The following PFDN1 variants were observed in gnomAD, a reference collection of about 807,000 sequenced individuals.
The protein encoded by PFDN1 is prefoldin 1.
PFDN1 carries 6 observed loss-of-function variants against 17.3 expected under a neutral mutation model. The observed-to-expected ratio is 0.35, with a 90% CI of 0.19 to 0.69. The LOEUF is 0.69. PFDN1 is among the 30% of genes least tolerant of loss of function. The pLI is 0.65. For missense variants in PFDN1, 113 were observed against 146.2 expected, an observed-to-expected ratio of 0.77 and a Z score of 1.17; for synonymous variants, 58 against 50.1, an observed-to-expected ratio of 1.16 and a Z score of -0.67.
At position 140,275,252 on chromosome 5, in the gene PFDN1, A is replaced by G. The variant is rs191308540; in HGVS notation, c.285+6197T>C. Among the ~76,000 whole-genome samples the G allele has an allele frequency of 1.9e-4, 29 of 151,566 alleles. No individual in the cohort carries two copies. In the East Asian group the frequency reaches 4.9e-3, roughly 25 times the overall value. On this transcript the variant is annotated intron_variant, in intron 3 of 3. Coordinates refer to ENST00000261813, the MANE Select transcript of PFDN1 (RefSeq NM_002622.5). ...TGAAACCCTGTCTCACTAAAAATAC[A>G]AAAAAAATTAGCTGGGCATGGCGGG...
At chr5:140,264,418 C>T (rs1765108157) in intron 3 of PFDN1, among the ~76,000 whole-genome samples, 1 of 152,224 alleles carries the variant, frequency 6.6e-6, no homozygotes, top group South Asian at 2.1e-4. Context: ...TTCTTAATTA[C>T]TATGCCAAGG....
At chr5:140,300,308 C>A (rs1581101137) in intron 2 of PFDN1, 108 bp downstream of exon 2, 1 of 772,524 alleles carries the variant, frequency 1.3e-6, no homozygotes. Context: ...GGATTACAGG[C>A]ATGAGCCACC....
intron 2 of PFDN1, among the ~76,000 whole-genome samples, chr5:140,290,769 C>T (rs1356951531): frequency 6.6e-6 from 1 of 152,102 alleles, no homozygotes; most frequent in Non-Finnish European, 1.5e-5. Flanking sequence ...ATTCACCCAA[C>T]TGTACTCCTA....
chr5:140,251,805 AC>A (rs1215918250), intron 3 of PFDN1, among the ~76,000 whole-genome samples: 1 of 152,164 alleles, frequency 6.6e-6, no homozygotes, highest in African/African-American at 2.4e-5. Context: ...CAGGAGTCAG[AC>A]TGAGGGGCTG....
intron 3 of PFDN1, among the ~76,000 whole-genome samples, chr5:140,271,232 G>A (rs1765201240): frequency 6.6e-6 from 1 of 152,122 alleles, no homozygotes; most frequent in South Asian, 2.1e-4. Flanking sequence ...TATATATATA[G>A]TTCATGATAA....
chr5:140,246,354 G>A (rs2126676416), intron 3 of PFDN1, among the ~76,000 whole-genome samples: 1 of 152,328 alleles, frequency 6.6e-6, no homozygotes, highest in South Asian at 2.1e-4. Context: ...AGGCGTCTCA[G>A]TACATGAAGT....
intron 3 of PFDN1, among the ~76,000 whole-genome samples, chr5:140,279,034 G>A (rs1178381738): frequency 5.9e-5 from 9 of 151,918 alleles, no homozygotes; most frequent in Non-Finnish European, 1.3e-4. Flanking sequence ...AAAAGAAATT[G>A]TATATAAACT....
At chr5:140,256,884 C>T (rs1764995272) in intron 3 of PFDN1, among the ~76,000 whole-genome samples, 2 of 151,974 alleles carry the variant, frequency 1.3e-5, no homozygotes, top group African/African-American at 2.4e-5. Context: ...GGAGGTGTGT[C>T]GTGGACACTC....
intron 2 of PFDN1, among the ~76,000 whole-genome samples, chr5:140,291,800 T>C (rs138205263): frequency 6.6e-6 from 1 of 152,092 alleles, no homozygotes; most frequent in East Asian, 1.9e-4. Context: ...TATCAAGAAG[T>C]GGTGTCCTGC....
intron 2 of PFDN1, among the ~76,000 whole-genome samples, chr5:140,296,974 A>C (rs1364046316): frequency 1.3e-5 from 2 of 152,232 alleles, no homozygotes; most frequent in Non-Finnish European, 2.9e-5. Flanking sequence ...TGTGGACAAC[A>C]GAGGATGAAC....
At chr5:140,256,658 C>CAAAAAAAAAAAAAAAAAAA (rs757723797) in intron 3 of PFDN1, among the ~76,000 whole-genome samples, 5 of 39,894 alleles carry the variant, frequency 1.3e-4, no homozygotes, top group Admixed American at 4.3e-4. Flanking sequence ...CAAAAAATGA[C>CAAAAAAAAAAAAAAAAAAA]AAAAAAAAAA....
chr5:140,246,529 T>C (rs967596947), intron 3 of PFDN1, among the ~76,000 whole-genome samples: 1 of 152,210 alleles, frequency 6.6e-6, no homozygotes, highest in African/African-American at 2.4e-5. Context: ...TATGGGCTGC[T>C]GTGAGGGCTG....
chr5:140,272,989 T>C (rs897841104), intron 3 of PFDN1, among the ~76,000 whole-genome samples: 14 of 152,178 alleles, frequency 9.2e-5, no homozygotes, highest in African/African-American at 2.7e-4. Context: ...AAAAACATTC[T>C]ATCATTGGCT....
intron 3 of PFDN1, 170 bp downstream of exon 3, chr5:140,281,279 A>T: frequency 3.8e-6 from 2 of 522,756 alleles, no homozygotes; most frequent in Non-Finnish European, 6.8e-6. Context: ...TTTTGGTCTT[A>T]TATGCGCTAT....
chr5:140,281,156 T>C (rs1469636426), intron 3 of PFDN1: 7 of 225,216 alleles, frequency 3.1e-5, no homozygotes, highest in Non-Finnish European at 5.2e-5. Context: ...TATGGTTTTG[T>C]TTTTTTTAAA....
At chr5:140,270,442 A>C (rs570924630) in intron 3 of PFDN1, among the ~76,000 whole-genome samples, 2 of 152,200 alleles carry the variant, frequency 1.3e-5, no homozygotes, top group Non-Finnish European at 2.9e-5. Context: ...ATAATAACTG[A>C]AACAAGATGC....
At chr5:140,252,709 G>A (rs1253346866) in intron 3 of PFDN1, among the ~76,000 whole-genome samples, 1 of 152,214 alleles carries the variant, frequency 6.6e-6, no homozygotes, top group Non-Finnish European at 1.5e-5. Flanking sequence ...GAAGAAGCAT[G>A]TTTTGATGGG....
intron 3 of PFDN1, among the ~76,000 whole-genome samples, chr5:140,266,864 TGAA>T (rs1247772502): frequency 2.0e-5 from 3 of 152,264 alleles, no homozygotes; most frequent in Admixed American, 6.5e-5. Context: ...TCTATTATTA[TGAA>T]GAAGTTAAGG....
chr5:140,297,115 ATG>A (rs1765665868), intron 2 of PFDN1, among the ~76,000 whole-genome samples: 1 of 152,232 alleles, frequency 6.6e-6, no homozygotes, highest in African/African-American at 2.4e-5. Context: ...GCAAGAAGCA[ATG>A]AGACCTGAAT....
Sources: allele counts gnomAD v4.1 joint callset (sites outside exome capture counted in the v4.1 genomes callset), GRCh38; gene constraint gnomAD v4.1.1; transcripts MANE v1.5; gene names NCBI Gene and HGNC (gene_info 2026-07-23, HGNC 2026-07-21).